The following AKT3 variants were observed in gnomAD, a reference collection of about 807,000 sequenced individuals.
AKT3 encodes AKT serine/threonine kinase 3, also known as RAC-gamma serine/threonine-protein kinase.
A neutral mutation model predicts 65.3 loss-of-function variants in AKT3; 15 were observed. The observed-to-expected ratio is 0.23, with a 90% CI of 0.15 to 0.35. AKT3 has a LOEUF of 0.35. Among genes scored for constraint, AKT3 ranks in the 10% least tolerant of loss-of-function variants. AKT3 has a pLI of 1.00. For synonymous variants in AKT3, 206 were observed against 183.8 expected, an observed-to-expected ratio of 1.12 and a Z score of -0.98; for missense variants, 243 against 576.5, an observed-to-expected ratio of 0.42 and a Z score of 5.92.
At chr1:243,540,216 A>G (rs1160381123) in intron 12 of AKT3, among the ~76,000 whole-genome samples, 1 of 152,150 alleles carries the variant, frequency 6.6e-6, no homozygotes, top group African/African-American at 2.4e-5. Context: ...CAATGTACCA[A>G]CGCTAGCAAT....
intron 12 of AKT3, among the ~76,000 whole-genome samples, chr1:243,514,927 T>A (rs924605537): frequency 6.6e-6 from 1 of 152,214 alleles, no homozygotes. Flanking sequence ...ATCTACCACT[T>A]CAAATGTCTT....
chr1:243,522,702 C>A (rs553452451), intron 12 of AKT3, among the ~76,000 whole-genome samples: 2 of 152,074 alleles, frequency 1.3e-5, no homozygotes, highest in Admixed American at 6.5e-5. Flanking sequence ...AAACTTGGGA[C>A]CTGTTTCAAT....
chr1:243,672,408 A>T (rs770981678), intron 3 of AKT3, among the ~76,000 whole-genome samples: 1 of 152,218 alleles, frequency 6.6e-6, no homozygotes, highest in Non-Finnish European at 1.5e-5. Flanking sequence ...CCGCATTGCT[A>T]GTTATTTTTG....
intron 2 of AKT3, among the ~76,000 whole-genome samples, chr1:243,722,575 T>C (rs1292564772): frequency 6.6e-6 from 1 of 152,084 alleles, no homozygotes; most frequent in South Asian, 2.1e-4. Flanking sequence ...ATAATACACA[T>C]AAAAAGTCAA....
At chr1:243,836,321 A>C (rs1173104484) in intron 2 of AKT3, among the ~76,000 whole-genome samples, 2 of 152,130 alleles carry the variant, frequency 1.3e-5, no homozygotes, top group Admixed American at 6.5e-5. Context: ...AGGATAAAAG[A>C]AGCAATACAT....
At chr1:243,606,119 C>T (rs1677390682) in intron 8 of AKT3, among the ~76,000 whole-genome samples, 1 of 152,284 alleles carries the variant, frequency 6.6e-6, no homozygotes, top group Non-Finnish European at 1.5e-5. Flanking sequence ...TTATAAATTA[C>T]CCAGTCTCGG....
At chr1:243,488,907 C>T (rs897062405) in intron 13 of AKT3, 37 of 1,545,778 alleles carry the variant, frequency 2.4e-5, no homozygotes, top group Non-Finnish European at 3.2e-5. Context: ...CCTAGGCGTC[C>T]TGCTCATGGT....
chr1:243,763,977 T>C (rs1380367137), intron 2 of AKT3, among the ~76,000 whole-genome samples: 1 of 152,048 alleles, frequency 6.6e-6, no homozygotes, highest in African/African-American at 2.4e-5. Flanking sequence ...ATGAACACCC[T>C]CCAGTGGCTG....
At chr1:243,569,635 C>G (rs554184444) in intron 9 of AKT3, among the ~76,000 whole-genome samples, 1 of 152,168 alleles carries the variant, frequency 6.6e-6, no homozygotes, top group Admixed American at 6.5e-5. Flanking sequence ...TTATTTGGTG[C>G]TTTCTCATAT....
intron 12 of AKT3, among the ~76,000 whole-genome samples, chr1:243,534,347 T>G (rs1446852449): frequency 1.3e-5 from 2 of 152,218 alleles, no homozygotes; most frequent in African/African-American, 4.8e-5. Flanking sequence ...CCTTAATGTG[T>G]ATGTGTCTAG....
At chr1:243,846,967 AG>A (rs1476821945) in intron 1 of AKT3, among the ~76,000 whole-genome samples, 1 of 152,228 alleles carries the variant, frequency 6.6e-6, no homozygotes, top group Non-Finnish European at 1.5e-5. Context: ...ACTGCTTACC[AG>A]GCATTGGTTA....
At chr1:243,779,305 C>T (rs1035872921) in intron 2 of AKT3, among the ~76,000 whole-genome samples, 1 of 151,976 alleles carries the variant, frequency 6.6e-6, no homozygotes, top group African/African-American at 2.4e-5. Context: ...ATTGTCAAAC[C>T]GTCTCTAAAG....
chr1:243,606,514 A>T (rs1677433072), intron 8 of AKT3, among the ~76,000 whole-genome samples: 1 of 152,174 alleles, frequency 6.6e-6, no homozygotes, highest in Non-Finnish European at 1.5e-5. Context: ...CTTGAAGGAG[A>T]TGATTTGGGG....
intron 2 of AKT3, among the ~76,000 whole-genome samples, chr1:243,696,770 G>A (rs1026846428): frequency 2.0e-5 from 3 of 151,824 alleles, no homozygotes; most frequent in African/African-American, 4.8e-5. Context: ...CCCTTAATAC[G>A]TTATATCTAC....
At chr1:243,805,793 G>C (rs1431615876) in intron 2 of AKT3, among the ~76,000 whole-genome samples, 1 of 152,126 alleles carries the variant, frequency 6.6e-6, no homozygotes, top group African/African-American at 2.4e-5. Context: ...TTAGTAAAGT[G>C]TGTGTTTCTC....
intron 2 of AKT3, among the ~76,000 whole-genome samples, chr1:243,796,128 C>T (rs191735499): frequency 6.6e-6 from 1 of 152,348 alleles, no homozygotes; most frequent in Non-Finnish European, 1.5e-5. Flanking sequence ...TCTGCAAAGT[C>T]AGTCACTACC....
chr1:243,596,654 C>A, intron 8 of AKT3, among the ~76,000 whole-genome samples: 1 of 152,152 alleles, frequency 6.6e-6, no homozygotes, highest in East Asian at 1.9e-4. Flanking sequence ...TAAAATGACA[C>A]AACAGTTTTA....
At chr1:243,548,249 C>T (rs1376384810) in intron 11 of AKT3, 1 of 152,168 alleles carries the variant, frequency 6.6e-6, no homozygotes, top group Non-Finnish European at 1.5e-5. Flanking sequence ...TATTTCAATA[C>T]TGTTTTCATT....
chr1:243,666,008 G>GT (rs1558698611), intron 3 of AKT3, among the ~76,000 whole-genome samples: 1 of 151,030 alleles, frequency 6.6e-6, no homozygotes, highest in African/African-American at 2.5e-5. Flanking sequence ...CTGTGTTTTT[G>GT]TTTGTTTGTT....
Sources: gnomAD v4.1 joint callset for allele counts (sites outside exome capture counted in the v4.1 genomes callset) on GRCh38, gnomAD v4.1.1 for gene constraint, MANE v1.5 for transcripts, NCBI Gene and HGNC (gene_info 2026-07-23, HGNC 2026-07-21) for gene names.